MIB1: variants seen among roughly 807,000 people sequenced by gnomAD.
MIB1 encodes the protein E3 ubiquitin-protein ligase MIB1.
A neutral mutation model predicts 124.5 loss-of-function variants in MIB1; 278 were observed. The observed-to-expected ratio is 2.23, with a 90% CI of 2.02 to 2.47. The LOEUF is 2.47. Ranked by LOEUF, MIB1 falls within the 30% of genes most tolerant of loss-of-function variation. The pLI is 0.00. For missense variants in MIB1, 957 were observed against 1,254.4 expected (o/e 0.76, Z 3.58); for synonymous variants, 446 against 429.4 (o/e 1.04, Z -0.48).
At chr18:21,825,988 A>G (rs2041921634) in intron 12 of MIB1, 1 of 295,014 alleles carries the variant, frequency 3.4e-6, no homozygotes, top group South Asian at 2.7e-5. Context: ...TTACTGCATT[A>G]AGGAATGATC....
At chr18:21,821,273 AC>A (rs1413873885) in intron 12 of MIB1, among the ~76,000 whole-genome samples, 4 of 151,994 alleles carry the variant, frequency 2.6e-5, no homozygotes, top group Middle Eastern at 3.2e-3. Flanking sequence ...CTGTTTCCCA[AC>A]TTCAGTTTTT....
Position 21,867,647 on chromosome 18 carries a change from G to T in MIB1, c.*2981G>T, listed in dbSNP as rs1039199158. On this transcript the variant is annotated 3_prime_UTR_variant, in exon 21 of 21. Transcript: ENST00000261537. ...AGCATAAAATTAATTGATAATTAAT[G>T]TTGGAAATACATTTCTAAAATTTAT... The T allele has an allele frequency of 6.6e-6, 1 of 152,552 alleles. No homozygotes were observed. The highest frequency in any genetic ancestry group is 1.5e-5 in the Non-Finnish European group (1 of 67,972). 9.4% of individuals were successfully genotyped at this position (152,552 alleles called of 1,614,324 possible). A position where few individuals can be genotyped will look rare whatever the true frequency, so the allele number is the denominator to read the frequency against.
At position 21,866,960 on chromosome 18, in the gene MIB1, C is replaced by T. The variant is rs1233642080; in HGVS notation, c.*2294C>T. 6.6e-6 allele frequency: 1 copy of T among 152,532 alleles called. No homozygotes were observed. Among genetic ancestry groups the T allele is most frequent in the African/African-American group, 2.4e-5 (1 of 41,428 alleles). The allele number at this position is 152,532 out of a possible 1,614,324, so 9.4% of individuals were successfully genotyped here. On this transcript the variant is annotated 3_prime_UTR_variant, in exon 21 of 21. Coordinates refer to ENST00000261537, the MANE Select transcript of MIB1 (RefSeq NM_020774.4). ...ACTTCATCATTTCAGTGACTTTCCT[C>T]CAACTCTCTGAATCTGCTACCTCTT... is the stretch of plus-strand genomic sequence containing the variant.
chr18:21,811,977 C>T (rs2041779072), intron 10 of MIB1, among the ~76,000 whole-genome samples: 1 of 152,116 alleles, frequency 6.6e-6, no homozygotes, highest in African/African-American at 2.4e-5. Context: ...TTAATAATCA[C>T]TGTGCTAGCT....
chr18:21,725,276 G>C (rs2040736404), intron 1 of MIB1, among the ~76,000 whole-genome samples: 1 of 152,014 alleles, frequency 6.6e-6, no homozygotes, highest in Non-Finnish European at 1.5e-5. Flanking sequence ...ACTGAAGCTG[G>C]AGACTTCAAG....
chr18:21,797,489 A>G (rs2041596479), intron 7 of MIB1, among the ~76,000 whole-genome samples: 1 of 151,948 alleles, frequency 6.6e-6, no homozygotes, highest in Non-Finnish European at 1.5e-5. Context: ...TGTGTTTTCA[A>G]AAAAAAGGTG....
rs373125839 is a variant in MIB1, at chr18:21,867,868, G to T, written c.*3202G>T. 3 of 152,478 alleles carry T rather than the reference G, an allele frequency of 2.0e-5. No individual in the cohort carries two copies. The East Asian group carries it at 5.8e-4, about 29-fold the overall frequency. 9.4% of individuals were successfully genotyped at this position (152,478 alleles called of 1,614,324 possible). ...TGGACTAAGAATTAGTTAAATTCATGAACTAAGAGAATTAGAGATGGGGTA... is the reference window on the plus strand; with the variant it reads ...TGGACTAAGAATTAGTTAAATTCATTAACTAAGAGAATTAGAGATGGGGTA... On this transcript the variant is annotated 3_prime_UTR_variant, in exon 21 of 21. Coordinates refer to ENST00000261537, the MANE Select transcript of MIB1 (RefSeq NM_020774.4).
intron 11 of MIB1, among the ~76,000 whole-genome samples, chr18:21,818,541 T>C (rs1025995655): frequency 6.6e-6 from 1 of 152,198 alleles, no homozygotes; most frequent in Non-Finnish European, 1.5e-5. Context: ...TGGTGGCTTA[T>C]GCCTGTAATC....
At chr18:21,751,397 A>C (rs1452922229) in intron 1 of MIB1, among the ~76,000 whole-genome samples, 1 of 152,022 alleles carries the variant, frequency 6.6e-6, no homozygotes, top group Non-Finnish European at 1.5e-5. Flanking sequence ...AGTAGCTGTA[A>C]CTACAGGTGT....
intron 20 of MIB1, among the ~76,000 whole-genome samples, chr18:21,862,896 A>G (rs753716967): frequency 1.2e-4 from 19 of 152,240 alleles, no homozygotes; most frequent in Non-Finnish European, 2.4e-4. Context: ...AGAGCAGCTG[A>G]GTACCTAGAT....
rs191681473 is a variant in MIB1 at position 21,824,847 on chromosome 18, T to C, written c.1829+5201T>C. Among the ~76,000 whole-genome samples the C allele has an allele frequency of 3.0e-3, 452 of 152,166 alleles. 2 individuals are homozygous for C. Among genetic ancestry groups the C allele is most frequent in the African/African-American group, 0.01 (428 of 41,556 alleles). On this transcript the variant is annotated intron_variant, in intron 12 of 20. Transcript: ENST00000261537. ...TAAATTATCTATAGTTTTATTGCAA[T>C]CATTAAGAAAATTATACGGATGTTA...
At chr18:21,830,307 A>G (rs552074160) in intron 12 of MIB1, among the ~76,000 whole-genome samples, 95 of 152,326 alleles carry the variant, frequency 6.2e-4, no homozygotes, top group Non-Finnish European at 1.1e-3. Context: ...GAAAATAAGT[A>G]TACTTTGGAA....
chr18:21,757,773 A>C (rs1443795717), intron 1 of MIB1, among the ~76,000 whole-genome samples: 1 of 152,118 alleles, frequency 6.6e-6, no homozygotes, highest in Non-Finnish European at 1.5e-5. Context: ...GATGTGAGCC[A>C]CCACACCCGG....
intron 1 of MIB1, among the ~76,000 whole-genome samples, chr18:21,745,104 A>G (rs1220090546): frequency 6.6e-6 from 1 of 152,242 alleles, no homozygotes; most frequent in East Asian, 1.9e-4. Context: ...TGTTGCATGT[A>G]AAAACAGAAA....
intron 17 of MIB1, among the ~76,000 whole-genome samples, chr18:21,851,787 A>G (rs1371081788): frequency 1.3e-5 from 2 of 152,206 alleles, no homozygotes; most frequent in African/African-American, 4.8e-5. Flanking sequence ...ACATTACACA[A>G]TATGCTTTGG....
intron 8 of MIB1, 119 bp from the exon 9 acceptor site, chr18:21,799,717 AATAAC>A: frequency 1.0e-6 from 1 of 991,550 alleles, no homozygotes; most frequent in East Asian, 2.7e-5. Context: ...TGGGTAGAAA[AATAAC>A]ATTAATGATG....
chr18:21,705,075 G>T (rs1368536573), exon 1 of MIB1: 2 of 161,082 alleles, frequency 1.2e-5, no homozygotes, highest in African/African-American at 4.8e-5. Flanking sequence ...GACCTTGAAC[G>T]ATTCCGCTCT....
At position 21,865,535 on chromosome 18, in the gene MIB1, G is replaced by C. The variant is rs1331893121; in HGVS notation, c.*869G>C. On this transcript the variant is annotated 3_prime_UTR_variant, in exon 21 of 21. Transcript: ENST00000261537. Reference sequence around the variant, plus strand: ...CGGTTTTCTGTGATTACTTATCTGGGCTTGATCTGACCAGTGAAATGACAT... The same window carrying C: ...CGGTTTTCTGTGATTACTTATCTGGCCTTGATCTGACCAGTGAAATGACAT... 6.6e-6 allele frequency: 1 copy of C among 152,494 alleles called. No homozygotes were observed. The highest frequency in any genetic ancestry group is 1.5e-5 in the Non-Finnish European group (1 of 68,010). 9.4% of individuals were successfully genotyped at this position (152,494 alleles called of 1,614,324 possible).
chr18:21,726,049 C>T (rs772858109), intron 1 of MIB1, among the ~76,000 whole-genome samples: 2 of 152,056 alleles, frequency 1.3e-5, no homozygotes, highest in Non-Finnish European at 2.9e-5. Context: ...GTGCTAAAAT[C>T]AGTTTTGAAG....
Sources: allele counts gnomAD v4.1 joint callset (sites outside exome capture counted in the v4.1 genomes callset), GRCh38; gene constraint gnomAD v4.1.1; transcripts MANE v1.5; gene names NCBI Gene and HGNC (gene_info 2026-07-23, HGNC 2026-07-21).